The following CNTNAP5 variants were observed in gnomAD, a reference collection of about 807,000 sequenced individuals.
The protein encoded by CNTNAP5 is contactin associated protein family member 5.
CNTNAP5 carries 72 observed loss-of-function variants against 150.2 expected under a neutral mutation model. The ratio of observed to expected loss-of-function variants is 0.48; its 90% CI spans 0.40 to 0.58. The LOEUF is 0.58. CNTNAP5 is among the 20% of genes least tolerant of loss of function. The probability of loss-of-function intolerance (pLI) is 0.00; values close to 1 mark genes in which losing one functional copy is unlikely to be tolerated. For missense variants in CNTNAP5, 1,636 were observed against 1,626.2 expected (o/e 1.01, Z -0.10); for synonymous variants, 672 against 619.8 (o/e 1.08, Z -1.25).
intron 1 of CNTNAP5, among the ~76,000 whole-genome samples, chr2:124,054,666 C>T (rs928129608): frequency 1.8e-4 from 27 of 152,096 alleles, no homozygotes; most frequent in African/African-American, 6.3e-4. Context: ...ATCTCAGCCC[C>T]GTGGATCTTG....
Position 124,707,042 on chromosome 2 carries a change from G to GAAGAAGAAGAAGAAGA in CNTNAP5, c.2078-40186_2078-40185insAGAAGAAGAAGAAGAA, listed in dbSNP as rs1558743488. Among the ~76,000 whole-genome samples, 98 of 76,116 alleles carry GAAGAAGAAGAAGAAGA rather than the reference G, an allele frequency of 1.3e-3. 4 individuals are homozygous for GAAGAAGAAGAAGAAGA. The highest frequency in any genetic ancestry group is 5.5e-3 in the African/African-American group (96 of 17,420). 49.9% of individuals were successfully genotyped at this position (76,116 alleles called of 152,430 possible). A position where few individuals can be genotyped will look rare whatever the true frequency, so the allele number is the denominator to read the frequency against. On this transcript the variant is annotated intron_variant, in intron 13 of 23. Coordinates refer to ENST00000682447, the MANE Select transcript of CNTNAP5 (RefSeq NM_001367498.1). ...GGAGAAGAAGAAGAAGAAGAAGAAG[G>GAAGAAGAAGAAGAAGA]AGGAGGAGGAGGAGGAGGAGAGGAA... is the stretch of plus-strand genomic sequence containing the variant.
chr2:124,865,954 T>A (rs1374592229), intron 20 of CNTNAP5, among the ~76,000 whole-genome samples: 1 of 127,286 alleles, frequency 7.9e-6, no homozygotes, highest in Non-Finnish European at 1.7e-5. Flanking sequence ...AAAAAAAAAT[T>A]AAAAGAAAAA....
intron 16 of CNTNAP5, among the ~76,000 whole-genome samples, chr2:124,768,917 T>G (rs1681128716): frequency 1.3e-5 from 2 of 152,320 alleles, no homozygotes; most frequent in African/African-American, 4.8e-5. Context: ...TTGAAGAGAT[T>G]ATGTCCCTGA....
intron 3 of CNTNAP5, among the ~76,000 whole-genome samples, chr2:124,323,776 C>A (rs1277773115): frequency 6.6e-6 from 1 of 152,188 alleles, no homozygotes; most frequent in Non-Finnish European, 1.5e-5. Context: ...ATTACCTCAT[C>A]TTTGCACTGG....
At chr2:124,813,035 T>G (rs1253290887) in intron 19 of CNTNAP5, among the ~76,000 whole-genome samples, 2 of 152,186 alleles carry the variant, frequency 1.3e-5, no homozygotes, top group Admixed American at 1.3e-4. Context: ...CTTTAAATGT[T>G]GACTTTTTGT....
At chr2:124,390,469 T>G (rs2104747761) in intron 3 of CNTNAP5, among the ~76,000 whole-genome samples, 1 of 152,260 alleles carries the variant, frequency 6.6e-6, no homozygotes, top group Non-Finnish European at 1.5e-5. Flanking sequence ...AGCCCCAATC[T>G]GATAAATATT....
intron 2 of CNTNAP5, 96 bp downstream of exon 2, chr2:124,221,905 T>A (rs1573847327): frequency 1.3e-6 from 1 of 744,406 alleles, no homozygotes; most frequent in Non-Finnish European, 2.3e-6. Flanking sequence ...TGAAATCATG[T>A]CCAATGGCCG....
In CNTNAP5 at chr2:124,917,087, C is replaced by T. The variant is rs769968561; in HGVS notation, c.*2799C>T. Reference sequence around the variant, plus strand: ...TCTGCAATTATCATCTCGAAGGAGACTTTGAAAGCATCTTAATCTCTCTTT... The same window carrying T: ...TCTGCAATTATCATCTCGAAGGAGATTTTGAAAGCATCTTAATCTCTCTTT... On this transcript the variant is annotated 3_prime_UTR_variant, in exon 24 of 24. Coordinates refer to ENST00000682447, the MANE Select transcript of CNTNAP5 (RefSeq NM_001367498.1). Among the ~76,000 whole-genome samples, 2 of 152,004 alleles carry T rather than the reference C, an allele frequency of 1.3e-5. No homozygotes were observed. The highest frequency in any genetic ancestry group is 2.9e-5 in the Non-Finnish European group (2 of 67,978).
At chr2:124,194,172 C>A (rs796761442) in intron 1 of CNTNAP5, among the ~76,000 whole-genome samples, 40 of 151,850 alleles carry the variant, frequency 2.6e-4, no homozygotes, top group African/African-American at 8.7e-4. Flanking sequence ...CAACCCCTCC[C>A]CCATTTATTT....
chr2:124,751,451 T>C (rs1680726054), intron 14 of CNTNAP5, among the ~76,000 whole-genome samples: 1 of 152,196 alleles, frequency 6.6e-6, no homozygotes, highest in African/African-American at 2.4e-5. Flanking sequence ...CAATAAGTAT[T>C]CACACATGAC....
At chr2:124,120,915 T>C (rs1166728334) in intron 1 of CNTNAP5, among the ~76,000 whole-genome samples, 1 of 152,156 alleles carries the variant, frequency 6.6e-6, no homozygotes, top group East Asian at 1.9e-4. Flanking sequence ...GAGGAAGGCA[T>C]GTGAGGGGTC....
chr2:124,058,208 A>G (rs1681908269), intron 1 of CNTNAP5, among the ~76,000 whole-genome samples: 1 of 152,138 alleles, frequency 6.6e-6, no homozygotes, highest in Non-Finnish European at 1.5e-5. Context: ...TAAGCACACT[A>G]AAATTTGGGA....
chr2:124,764,925 T>C (rs1252549861), intron 16 of CNTNAP5, among the ~76,000 whole-genome samples: 1 of 152,140 alleles, frequency 6.6e-6, no homozygotes, highest in East Asian at 1.9e-4. Context: ...AAAATTTATG[T>C]TTCTGAGTCT....
Position 124,919,713 on chromosome 2 carries a change from A to AT in CNTNAP5, c.*5433dup, listed in dbSNP as rs926002673. 6.3e-4 allele frequency among the ~76,000 whole-genome samples: 95 copies of AT among 151,592 alleles called. No individual in the cohort carries two copies. Among genetic ancestry groups the AT allele is most frequent in the African/African-American group, 2.0e-3 (84 of 41,360 alleles). ...ATAATTCTTTACTCACATTTGCATG[A>AT]TTTTTTTTACCTTCCAACACTTCTT... On this transcript the variant is annotated 3_prime_UTR_variant, in exon 24 of 24. Coordinates refer to ENST00000682447, the MANE Select transcript of CNTNAP5 (RefSeq NM_001367498.1).
chr2:124,583,538 T>C (rs1388771346), intron 11 of CNTNAP5, among the ~76,000 whole-genome samples: 3 of 152,242 alleles, frequency 2.0e-5, no homozygotes, highest in Non-Finnish European at 4.4e-5. Flanking sequence ...GCCATTAAAA[T>C]AACTTTTGTG....
chr2:124,110,977 A>C (rs1683284453), intron 1 of CNTNAP5, among the ~76,000 whole-genome samples: 1 of 152,208 alleles, frequency 6.6e-6, no homozygotes, highest in Non-Finnish European at 1.5e-5. Flanking sequence ...CTGATCTCCC[A>C]TGATCTCTAC....
intron 1 of CNTNAP5, among the ~76,000 whole-genome samples, chr2:124,058,575 C>T (rs985315295): frequency 2.0e-5 from 3 of 152,084 alleles, no homozygotes; most frequent in Admixed American, 6.6e-5. Context: ...CTGTACTATC[C>T]CCAAGTCTAG....
chr2:124,651,331 A>G (rs974670992), intron 13 of CNTNAP5, among the ~76,000 whole-genome samples: 8 of 152,214 alleles, frequency 5.3e-5, no homozygotes, highest in African/African-American at 1.9e-4. Flanking sequence ...CCTATATACT[A>G]TGCACAATGG....
intron 11 of CNTNAP5, among the ~76,000 whole-genome samples, chr2:124,603,751 T>C (rs932049264): frequency 1.3e-5 from 2 of 152,192 alleles, no homozygotes; most frequent in African/African-American, 4.8e-5. Flanking sequence ...ACAAGATAGA[T>C]GCTACGTAGG....
Sources: allele counts gnomAD v4.1 joint callset (sites outside exome capture counted in the v4.1 genomes callset), GRCh38; gene constraint gnomAD v4.1.1; transcripts MANE v1.5; gene names NCBI Gene and HGNC (gene_info 2026-07-23, HGNC 2026-07-21).